Variants in PLA2G2F observed in about 807,000 individuals in gnomAD.
PLA2G2F encodes phospholipase A2 group IIF.
Under a neutral mutation model 15.9 loss-of-function variants are expected in PLA2G2F, and 17 were observed. That is an observed-to-expected ratio of 1.07 (90% CI 0.73 to 1.60). The LOEUF (loss-of-function observed/expected upper bound fraction) is 1.60. Ranked by LOEUF, PLA2G2F falls within the 40% of genes most tolerant of loss-of-function variation. The pLI, the probability that PLA2G2F is intolerant of heterozygous loss-of-function variation, is 0.00. For synonymous variants in PLA2G2F, 119 were observed against 106.5 expected, an observed-to-expected ratio of 1.12 and a Z score of -0.72; for missense variants, 299 against 278.2, an observed-to-expected ratio of 1.07 and a Z score of -0.53.
intron 4 of PLA2G2F, among the ~76,000 whole-genome samples, chr1:20,145,569 T>A (rs892191371): frequency 7.9e-5 from 12 of 151,330 alleles, no homozygotes; most frequent in Non-Finnish European, 1.6e-4. Context: ...TGTGAGCCAC[T>A]GCATCCAGCC....
At chr1:20,141,058 G>C (rs1395329471) in intron 2 of PLA2G2F, 2 of 152,274 alleles carry the variant, frequency 1.3e-5, no homozygotes, top group Non-Finnish European at 1.5e-5. Context: ...GTTCCACGTG[G>C]CCAGACGTGA....
chr1:20,146,574 CCTGTGGGCAACCA>C (rs1028916125), intron 4 of PLA2G2F, among the ~76,000 whole-genome samples: 6 of 152,238 alleles, frequency 3.9e-5, no homozygotes, highest in African/African-American at 1.4e-4. Context: ...CCTGGCCCAG[CCTGTGGGCAACCA>C]CTGGGCCCTC....
At chr1:20,141,998 T>G (rs562451710) in intron 2 of PLA2G2F, 1 of 152,358 alleles carries the variant, frequency 6.6e-6, no homozygotes, top group South Asian at 2.1e-4. Context: ...TAAGGCACAT[T>G]GAGGTGGTGA....
chr1:20,144,400 C>G (rs533479369), intron 3 of PLA2G2F, among the ~76,000 whole-genome samples, 180 bp from the exon 4 acceptor site: 16 of 152,328 alleles, frequency 1.1e-4, no homozygotes, highest in African/African-American at 2.6e-4. Flanking sequence ...AGAATCAGAA[C>G]CTGGGGTGCC....
Position 20,143,513 on chromosome 1 carries a change from C to A in PLA2G2F, c.237C>A (p.Ser79Arg). 6.2e-7 allele frequency: 1 copy of A among 1,614,038 alleles called. No homozygotes were observed. The highest frequency in any genetic ancestry group is 8.5e-7 in the Non-Finnish European group (1 of 1,179,972). ...TGGTGGAGGCCGTCACAGGGAGGAG[C>A]GCCATCCTGTCCTTCGTGGGCTACG... ...KAMVEAVTGRSAILSFVGYGC... is the reference protein window; with the variant it reads ...KAMVEAVTGRRAILSFVGYGC... The change falls in exon 3 of 5, where the codon AGC (serine) becomes AGA (arginine). Residue 79 changes from serine to arginine, a missense_variant. Physicochemically the swap from Ser to Arg is moderately radical, Grantham distance 110. Coordinates refer to ENST00000375102, the MANE Select transcript of PLA2G2F (RefSeq NM_022819.4).
chr1:20,139,381 C>G lies in PLA2G2F; in HGVS notation c.-47C>G, dbSNP rs1464650009. 2 of 1,454,716 alleles carry G rather than the reference C, an allele frequency of 1.4e-6. No homozygotes were observed. Among genetic ancestry groups the G allele is most frequent in the African/African-American group, 2.8e-5 (2 of 71,118 alleles). 90.1% of individuals were successfully genotyped at this position (1,454,716 alleles called of 1,614,324 possible). On this transcript the variant is annotated 5_prime_UTR_variant, in exon 1 of 5. In the 5' UTR this introduces an upstream ATG that the reference lacks. Coordinates refer to ENST00000375102, the MANE Select transcript of PLA2G2F (RefSeq NM_022819.4). ...GCTCCCCGCAGCCTCTGGAGCGCAT[C>G]TCAGACCTTCTGAGACCTATGTTGC...
chr1:20,142,974 G>A (rs532010860), intron 2 of PLA2G2F: 26 of 153,388 alleles, frequency 1.7e-4, no homozygotes, highest in Non-Finnish European at 3.2e-4. Flanking sequence ...CAAGTGGCAG[G>A]GGGTGTGGAT....
At chr1:20,145,033 G>T (rs1451842056) in intron 4 of PLA2G2F, among the ~76,000 whole-genome samples, 1 of 152,022 alleles carries the variant, frequency 6.6e-6, no homozygotes. Context: ...AGCCAAGATC[G>T]CACGCCACTG....
intron 4 of PLA2G2F, among the ~76,000 whole-genome samples, chr1:20,145,464 G>A (rs1423883098): frequency 6.6e-6 from 1 of 151,416 alleles, no homozygotes; most frequent in Non-Finnish European, 1.5e-5. Flanking sequence ...AAATTTTTAG[G>A]AGATACAGGG....
chr1:20,139,618 T>A, intron 1 of PLA2G2F, 75 bp downstream of exon 1: 2 of 1,145,840 alleles, frequency 1.7e-6, no homozygotes, highest in Non-Finnish European at 2.4e-6. Flanking sequence ...GCTCCTAGAA[T>A]CCCTTTCTCC....
At chr1:20,146,813 T>C (rs1270966599) in intron 4 of PLA2G2F, among the ~76,000 whole-genome samples, 2 of 152,102 alleles carry the variant, frequency 1.3e-5, no homozygotes, top group African/African-American at 4.8e-5. Flanking sequence ...AGATAGCAGA[T>C]GCCCCCCTAT....
At position 20,143,530 on chromosome 1, in the gene PLA2G2F, TG is replaced by T; in HGVS notation, c.257del (p.Gly86AlafsTer54). ...GGGAGGAGCGCCATCCTGTCCTTCG[TG>T]GGCTACGGTTGCTACTGTGGGCTGG... ...VTGRSAILSF[V>X]GYGCYCGLGG... On this transcript the variant is annotated frameshift_variant, in exon 3 of 5. Transcript: ENST00000375102. LOFTEE classifies it high-confidence loss of function. 1 of 1,614,032 alleles carries T rather than the reference TG, an allele frequency of 6.2e-7. No homozygotes were observed. Among genetic ancestry groups the T allele is most frequent in the Non-Finnish European group, 8.5e-7 (1 of 1,179,964 alleles).
chr1:20,144,087 G>A (rs1201441802), intron 3 of PLA2G2F: 3 of 182,870 alleles, frequency 1.6e-5, no homozygotes, highest in East Asian at 1.5e-4. Context: ...CTGACTTCAC[G>A]CCCCCAGAGG....
Position 20,148,418 on chromosome 1 carries a change from G to A in PLA2G2F, c.*17G>A, listed in dbSNP as rs2017659009. ...CCTCCCTAGAGCCTCTGAGGTTTGAGAGAGAGAGCGGGAGGAGGGTCTGGC... is the reference window on the plus strand; with the variant it reads ...CCTCCCTAGAGCCTCTGAGGTTTGAAAGAGAGAGCGGGAGGAGGGTCTGGC... On this transcript the variant is annotated 3_prime_UTR_variant, in exon 5 of 5. Coordinates refer to ENST00000375102, the MANE Select transcript of PLA2G2F (RefSeq NM_022819.4). The A allele has an allele frequency of 6.3e-7, 1 of 1,596,722 alleles. No individual in the cohort carries two copies. The highest frequency in any genetic ancestry group is 8.6e-7 in the Non-Finnish European group (1 of 1,165,794).
rs532942563 is a variant in PLA2G2F at position 20,145,671 on chromosome 1, G to A, written c.424+982G>A. Among the ~76,000 whole-genome samples the A allele has an allele frequency of 6.6e-5, 10 of 151,320 alleles. No homozygotes were observed. In the East Asian group the frequency reaches 7.8e-4, roughly 12 times the overall value. On this transcript the variant is annotated intron_variant, in intron 4 of 4. Coordinates refer to ENST00000375102, the MANE Select transcript of PLA2G2F (RefSeq NM_022819.4). ...TCTGTTGCCCAGGCTGGAGTTCAGCGGTGCCATCGTAGCTCACTGCAGCCT... is the reference window on the plus strand; with the variant it reads ...TCTGTTGCCCAGGCTGGAGTTCAGCAGTGCCATCGTAGCTCACTGCAGCCT...
At chr1:20,142,073 T>C (rs771987773) in intron 2 of PLA2G2F, 21 of 152,338 alleles carry the variant, frequency 1.4e-4, no homozygotes, top group Non-Finnish European at 2.4e-4. Flanking sequence ...GCCTTTGGGA[T>C]TCCCCTGAGC....
In PLA2G2F at chr1:20,148,522, C is replaced by T; in HGVS notation, c.*121C>T. On this transcript the variant is annotated 3_prime_UTR_variant, in exon 5 of 5. Transcript: ENST00000375102. ...GTTGCTGGTTGCCTCCTCCCTGGAGCTCTCCAGTGAGGGCTCAGCTCTCAG... is the reference window on the plus strand; with the variant it reads ...GTTGCTGGTTGCCTCCTCCCTGGAGTTCTCCAGTGAGGGCTCAGCTCTCAG... 1 of 785,440 alleles carries T rather than the reference C, an allele frequency of 1.3e-6. No homozygotes were observed. The highest frequency in any genetic ancestry group is 2.0e-6 in the Non-Finnish European group (1 of 488,846). The allele number at this position is 785,440 out of a possible 1,614,324, so 48.7% of individuals were successfully genotyped here.
chr1:20,139,403 T>G lies in PLA2G2F; in HGVS notation c.-25T>G. 1 of 1,529,750 alleles carries G rather than the reference T, an allele frequency of 6.5e-7. No individual in the cohort carries two copies. The highest frequency in any genetic ancestry group is 8.9e-7 in the Non-Finnish European group (1 of 1,126,916). 94.8% of individuals were successfully genotyped at this position (1,529,750 alleles called of 1,614,324 possible). A position where few individuals can be genotyped will look rare whatever the true frequency, so the allele number is the denominator to read the frequency against. ...CATCTCAGACCTTCTGAGACCTATGTTGCTGGCCCCCCAGAACCCGCAACA... is the reference window on the plus strand; with the variant it reads ...CATCTCAGACCTTCTGAGACCTATGGTGCTGGCCCCCCAGAACCCGCAACA... On this transcript the variant is annotated 5_prime_UTR_variant, in exon 1 of 5. Coordinates refer to ENST00000375102, the MANE Select transcript of PLA2G2F (RefSeq NM_022819.4).
At chr1:20,146,669 C>T (rs534843219) in intron 4 of PLA2G2F, among the ~76,000 whole-genome samples, 2 of 152,334 alleles carry the variant, frequency 1.3e-5, no homozygotes, top group Admixed American at 1.3e-4. Context: ...GCTGGCTTTG[C>T]AAAGACACTC....
Sources: gnomAD v4.1 joint callset for allele counts (sites outside exome capture counted in the v4.1 genomes callset) on GRCh38, gnomAD v4.1.1 for gene constraint, MANE v1.5 for transcripts, NCBI Gene and HGNC (gene_info 2026-07-23, HGNC 2026-07-21) for gene names.